ACSS3: variants seen among roughly 807,000 people sequenced by gnomAD.
ACSS3 encodes acyl-CoA synthetase short chain family member 3.
A neutral mutation model predicts 84.2 loss-of-function variants in ACSS3; 64 were observed. That is an observed-to-expected ratio of 0.76 (90% CI 0.62 to 0.94). The LOEUF is 0.94. Ranked by LOEUF, ACSS3 falls within the 40% of genes least tolerant of loss-of-function variation. ACSS3 has a pLI of 0.00. For synonymous variants in ACSS3, 317 were observed against 310.1 expected, an observed-to-expected ratio of 1.02 and a Z score of -0.23; for missense variants, 815 against 867.6, an observed-to-expected ratio of 0.94 and a Z score of 0.76.
intron 2 of ACSS3, among the ~76,000 whole-genome samples, chr12:81,111,016 C>T (rs747354566): frequency 3.9e-5 from 6 of 152,114 alleles, no homozygotes; most frequent in African/African-American, 7.2e-5. Context: ...ACTAAAGGAT[C>T]GCCTTTCCAG....
chr12:81,246,643 C>G (rs1238764952), intron 13 of ACSS3, among the ~76,000 whole-genome samples: 1 of 152,110 alleles, frequency 6.6e-6, no homozygotes, highest in East Asian at 1.9e-4. Context: ...ATATAAGTTA[C>G]TTCATTTTTT....
chr12:81,239,509 T>C (rs1263076252), intron 13 of ACSS3, among the ~76,000 whole-genome samples: 3 of 151,936 alleles, frequency 2.0e-5, no homozygotes, highest in East Asian at 1.9e-4. Context: ...TGACTCATAA[T>C]CCCATATGGC....
intron 9 of ACSS3, among the ~76,000 whole-genome samples, chr12:81,215,267 A>G (rs2135939593): frequency 6.6e-6 from 1 of 152,096 alleles, no homozygotes; most frequent in South Asian, 2.1e-4. Flanking sequence ...TGCTTGGAAA[A>G]TACTTTAGAA....
chr12:81,151,813 T>C lies in ACSS3; in HGVS notation c.922-31T>C, dbSNP rs759823014. 7.5e-6 allele frequency: 12 copies of C among 1,589,498 alleles called. No individual in the cohort carries two copies. In the South Asian group the frequency reaches 1.4e-4, roughly 18 times the overall value. ...AGAGAGTGTTTTTACACATTGTTTA[T>C]TGATTTTAATTTCACTTTTTCTCTC... On this transcript the variant is annotated intron_variant, in intron 5 of 15. Transcript: ENST00000548058.
At chr12:81,096,100 G>C (rs1324562705) in intron 1 of ACSS3, among the ~76,000 whole-genome samples, 1 of 152,172 alleles carries the variant, frequency 6.6e-6, no homozygotes, top group Non-Finnish European at 1.5e-5. Context: ...TGTGAATAAA[G>C]CAAAATGTTG....
chr12:81,181,747 C>CAAAAAAAAAAAA lies in ACSS3; in HGVS notation c.1250+6818_1250+6829dup, dbSNP rs59878486. The stretch of plus-strand genomic sequence containing the variant: ...AAGCCAAAGATTTCAATCAATTAAG[C>CAAAAAAAAAAAA]AAAAAAAAAAAAAAAAAAAAAGCAA... On this transcript the variant is annotated intron_variant, in intron 8 of 15. Coordinates refer to ENST00000548058, the MANE Select transcript of ACSS3 (RefSeq NM_024560.4). Among the ~76,000 whole-genome samples the CAAAAAAAAAAAA allele has an allele frequency of 3.6e-3, 173 of 47,878 alleles. 1 individual carries two copies. Among genetic ancestry groups the CAAAAAAAAAAAA allele is most frequent in the Middle Eastern group, 0.022 (1 of 46 alleles). 31.4% of individuals were successfully genotyped at this position (47,878 alleles called of 152,430 possible). A position where few individuals can be genotyped will look rare whatever the true frequency, so the allele number is the denominator to read the frequency against.
chr12:81,251,008 G>C (rs1453652533), intron 13 of ACSS3, among the ~76,000 whole-genome samples: 4 of 152,034 alleles, frequency 2.6e-5, no homozygotes, highest in African/African-American at 9.7e-5. Flanking sequence ...TATCCTTTCA[G>C]GTGGTTTTCC....
rs1472186832 is a variant in ACSS3, at chr12:81,255,656, C to T, written c.*734C>T. 6.6e-6 allele frequency: 1 copy of T among 152,094 alleles called. No homozygotes were observed. Among genetic ancestry groups the T allele is most frequent in the Admixed American group, 6.6e-5 (1 of 15,234 alleles). The allele number at this position is 152,094 out of a possible 1,614,324, so 9.4% of individuals were successfully genotyped here. ...CCAACATGGTGAAACCCTGTAGCTACTGAAAATACAAAAATAAGCCAGGCG... is the reference window on the plus strand; with the variant it reads ...CCAACATGGTGAAACCCTGTAGCTATTGAAAATACAAAAATAAGCCAGGCG... On this transcript the variant is annotated 3_prime_UTR_variant, in exon 16 of 16. Transcript: ENST00000548058.
intron 13 of ACSS3, among the ~76,000 whole-genome samples, chr12:81,247,667 T>C (rs1028004231): frequency 2.0e-5 from 3 of 152,124 alleles, no homozygotes; most frequent in Non-Finnish European, 4.4e-5. Context: ...AAATCAGATT[T>C]GTCTTCTCTG....
chr12:81,193,177 T>C (rs2031662617), intron 8 of ACSS3, among the ~76,000 whole-genome samples: 1 of 152,222 alleles, frequency 6.6e-6, no homozygotes, highest in African/African-American at 2.4e-5. Context: ...ACCACAGATA[T>C]ATTGATGGCA....
chr12:81,175,242 CAGAT>C (rs1271879574), intron 8 of ACSS3, among the ~76,000 whole-genome samples: 2 of 151,966 alleles, frequency 1.3e-5, no homozygotes, highest in Non-Finnish European at 2.9e-5. Context: ...TTAAAATGCA[CAGAT>C]AGATGGATAC....
chr12:81,203,833 A>G (rs554481070), intron 9 of ACSS3, among the ~76,000 whole-genome samples: 1 of 152,322 alleles, frequency 6.6e-6, no homozygotes, highest in South Asian at 2.1e-4. Context: ...ACAGTAACTC[A>G]TCCATAAAAA....
chr12:81,143,420 A>C, intron 5 of ACSS3, 173 bp downstream of exon 5: 4 of 484,276 alleles, frequency 8.3e-6, no homozygotes, highest in Non-Finnish European at 1.3e-5. Flanking sequence ...GCGTGATCTC[A>C]CCTGACACAG....
At chr12:81,173,312 A>G (rs775321701) in intron 7 of ACSS3, among the ~76,000 whole-genome samples, 7 of 152,164 alleles carry the variant, frequency 4.6e-5, no homozygotes, top group Non-Finnish European at 8.8e-5. Flanking sequence ...ATTTGTATGA[A>G]GAGTAATGAA....
At chr12:81,114,573 ATC>A (rs1379414643) in intron 2 of ACSS3, among the ~76,000 whole-genome samples, 1 of 152,094 alleles carries the variant, frequency 6.6e-6, no homozygotes, top group Non-Finnish European at 1.5e-5. Flanking sequence ...GGCTTTTATT[ATC>A]TGTTTCCTTT....
intron 1 of ACSS3, among the ~76,000 whole-genome samples, chr12:81,080,240 A>G (rs1052519701): frequency 6.6e-6 from 1 of 152,044 alleles, no homozygotes; most frequent in East Asian, 1.9e-4. Flanking sequence ...GGGATCAGCA[A>G]AGGCCCAGGA....
At chr12:81,117,472 G>A (rs550945197) in intron 2 of ACSS3, among the ~76,000 whole-genome samples, 112 of 152,216 alleles carry the variant, frequency 7.4e-4, no homozygotes, top group Middle Eastern at 6.8e-3. Context: ...TGAAATAAAG[G>A]GTGGGATAGG....
In ACSS3 at chr12:81,257,178, C is replaced by CTT. The variant is rs1281684740; in HGVS notation, c.*2257_*2258dup. 2 of 152,178 alleles carry CTT rather than the reference C, an allele frequency of 1.3e-5. No individual in the cohort carries two copies. Among genetic ancestry groups the CTT allele is most frequent in the East Asian group, 3.9e-4 (2 of 5,184 alleles). 9.4% of individuals were successfully genotyped at this position (152,178 alleles called of 1,614,324 possible). On this transcript the variant is annotated 3_prime_UTR_variant, in exon 16 of 16. Transcript: ENST00000548058. ...CTGAAGCGACATCTCAGCAAGCAGACTTGGGTTATTTTCCACTAGGATGGG... is the reference window on the plus strand; with the variant it reads ...CTGAAGCGACATCTCAGCAAGCAGACTTTTGGGTTATTTTCCACTAGGATGGG...
chr12:81,162,607 G>C (rs1887207410), intron 7 of ACSS3, among the ~76,000 whole-genome samples: 1 of 152,150 alleles, frequency 6.6e-6, no homozygotes, highest in Admixed American at 6.5e-5. Flanking sequence ...GTTTCAGGCT[G>C]TCCCTGCCTT....
Sources: gnomAD v4.1 joint callset for allele counts (sites outside exome capture counted in the v4.1 genomes callset) on GRCh38, gnomAD v4.1.1 for gene constraint, MANE v1.5 for transcripts, NCBI Gene and HGNC (gene_info 2026-07-23, HGNC 2026-07-21) for gene names.